EPHA6: variants seen among roughly 807,000 people sequenced by gnomAD.
The protein encoded by EPHA6 is EPH receptor A6.
A neutral mutation model predicts 112.0 loss-of-function variants in EPHA6; 50 were observed. The observed-to-expected ratio is 0.45, with a 90% confidence interval of 0.36 to 0.56. The LOEUF is 0.56. Ranked by LOEUF, EPHA6 falls within the 20% of genes least tolerant of loss-of-function variation. The pLI is 0.00. For synonymous variants in EPHA6, 529 were observed against 490.7 expected, an observed-to-expected ratio of 1.08 and a Z score of -1.03; for missense variants, 1,280 against 1,417.4, an observed-to-expected ratio of 0.90 and a Z score of 1.56.
chr3:97,196,337 T>G (rs1394558332), intron 3 of EPHA6, among the ~76,000 whole-genome samples: 3 of 151,984 alleles, frequency 2.0e-5, no homozygotes, highest in Non-Finnish European at 2.9e-5. Context: ...TTAAGAATTA[T>G]TTCAATCTAT....
At chr3:96,890,276 A>G (rs1418014107) in intron 2 of EPHA6, among the ~76,000 whole-genome samples, 1 of 152,196 alleles carries the variant, frequency 6.6e-6, no homozygotes, top group Non-Finnish European at 1.5e-5. Flanking sequence ...AAAAGGATTT[A>G]TATTCAGAAT....
intron 1 of EPHA6, among the ~76,000 whole-genome samples, chr3:96,827,271 A>G (rs2033724730): frequency 1.3e-5 from 2 of 152,124 alleles, no homozygotes. Context: ...GAAAGTTGAG[A>G]AGTTGAGTAA....
intron 3 of EPHA6, among the ~76,000 whole-genome samples, chr3:96,988,918 A>T (rs1383109369): frequency 1.3e-5 from 2 of 152,140 alleles, no homozygotes; most frequent in Admixed American, 1.3e-4. Flanking sequence ...CCTAATAAGT[A>T]TATACATTCA....
intron 3 of EPHA6, among the ~76,000 whole-genome samples, chr3:97,054,531 A>G (rs1481652147): frequency 1.3e-5 from 2 of 151,906 alleles, no homozygotes. Flanking sequence ...ATAAAATATG[A>G]CAAAAAAATC....
chr3:97,237,868 A>T (rs970363362), intron 4 of EPHA6, among the ~76,000 whole-genome samples: 3 of 151,966 alleles, frequency 2.0e-5, no homozygotes, highest in African/African-American at 7.2e-5. Flanking sequence ...GATAATGTTT[A>T]ACTCAAAAAA....
chr3:97,152,417 ATAT>A (rs773077791), intron 3 of EPHA6, among the ~76,000 whole-genome samples: 34 of 149,594 alleles, frequency 2.3e-4, no homozygotes, highest in African/African-American at 6.6e-4. Flanking sequence ...GTATAAACTA[ATAT>A]TATTATTAAT....
At chr3:97,320,248 G>A (rs998110641) in intron 5 of EPHA6, among the ~76,000 whole-genome samples, 2 of 151,842 alleles carry the variant, frequency 1.3e-5, no homozygotes, top group African/African-American at 4.8e-5. Context: ...GCTAAGACTG[G>A]GATATTGTTA....
intron 11 of EPHA6, among the ~76,000 whole-genome samples, chr3:97,576,650 C>T (rs985616456): frequency 2.6e-5 from 4 of 152,106 alleles, no homozygotes; most frequent in African/African-American, 7.2e-5. Flanking sequence ...AATCTATAGA[C>T]TTTGTTTTAC....
chr3:97,434,343 C>T (rs911281595), intron 6 of EPHA6, among the ~76,000 whole-genome samples: 2 of 151,934 alleles, frequency 1.3e-5, no homozygotes, highest in African/African-American at 2.4e-5. Context: ...TTCTTCATGC[C>T]TACAACATAG....
intron 3 of EPHA6, among the ~76,000 whole-genome samples, chr3:97,080,855 A>G (rs1239534338): frequency 2.0e-5 from 3 of 152,006 alleles, no homozygotes; most frequent in East Asian, 1.9e-4. Context: ...TGGAATATAT[A>G]GGCTTGATTT....
At chr3:97,272,460 T>G (rs1002216597) in intron 5 of EPHA6, among the ~76,000 whole-genome samples, 92 of 152,250 alleles carry the variant, frequency 6.0e-4, no homozygotes, top group African/African-American at 2.1e-3. Flanking sequence ...CGAGATGATA[T>G]TTTCACTTGC....
At chr3:96,830,154 TTAAG>T in intron 1 of EPHA6, among the ~76,000 whole-genome samples, 1 of 152,284 alleles carries the variant, frequency 6.6e-6, no homozygotes, top group South Asian at 2.1e-4. Context: ...TCATATTACA[TTAAG>T]TATTCTGAAT....
chr3:97,181,413 A>G (rs2076985405), intron 3 of EPHA6, among the ~76,000 whole-genome samples: 1 of 151,956 alleles, frequency 6.6e-6, no homozygotes, highest in Admixed American at 6.6e-5. Context: ...ATTGAGGGGA[A>G]TGATCACTGG....
At chr3:97,163,492 G>A (rs1273194373) in intron 3 of EPHA6, among the ~76,000 whole-genome samples, 2 of 152,034 alleles carry the variant, frequency 1.3e-5, no homozygotes, top group Admixed American at 6.6e-5. Context: ...CAGGATTTCT[G>A]TCTTTATACA....
At chr3:97,261,693 T>G (rs2108620170) in intron 5 of EPHA6, among the ~76,000 whole-genome samples, 1 of 152,296 alleles carries the variant, frequency 6.6e-6, no homozygotes. Context: ...GAGTTGCAAA[T>G]GAATTTAAAG....
chr3:97,571,625 T>A (rs2093333564), intron 11 of EPHA6, among the ~76,000 whole-genome samples: 1 of 151,670 alleles, frequency 6.6e-6, no homozygotes, highest in Non-Finnish European at 1.5e-5. Flanking sequence ...TCATAAATCT[T>A]ATTTCCCTAA....
chr3:97,737,687 T>C (rs768058262), intron 16 of EPHA6, among the ~76,000 whole-genome samples: 5 of 152,014 alleles, frequency 3.3e-5, no homozygotes, highest in Non-Finnish European at 7.4e-5. Flanking sequence ...GACAGTTATA[T>C]TTATAGGTTG....
chr3:97,294,714 T>A (rs978839810), intron 5 of EPHA6, among the ~76,000 whole-genome samples: 59 of 152,320 alleles, frequency 3.9e-4, no homozygotes, highest in African/African-American at 1.2e-3. Context: ...TTTTATACAT[T>A]CATGTATTTT....
intron 5 of EPHA6, among the ~76,000 whole-genome samples, chr3:97,289,275 A>G (rs183372267): frequency 2.6e-5 from 4 of 152,220 alleles, no homozygotes; most frequent in Non-Finnish European, 4.4e-5. Context: ...AAAGATAGGT[A>G]TCCAATTTCA....
Sources: gnomAD v4.1 joint callset for allele counts (sites outside exome capture counted in the v4.1 genomes callset) on GRCh38, gnomAD v4.1.1 for gene constraint, MANE v1.5 for transcripts, NCBI Gene and HGNC (gene_info 2026-07-23, HGNC 2026-07-21) for gene names.